HECTD4: variants seen among roughly 807,000 people sequenced by gnomAD.
HECTD4 encodes HECT domain E3 ubiquitin protein ligase 4.
A neutral mutation model predicts 471.5 loss-of-function variants in HECTD4; 114 were observed. The observed-to-expected ratio is 0.24, with a 90% CI of 0.21 to 0.28. The LOEUF (loss-of-function observed/expected upper bound fraction) is 0.28, where lower values mean the gene tolerates loss of function less well. HECTD4 is among the 10% of genes least tolerant of loss of function. The probability of loss-of-function intolerance (pLI) is 1.00; values close to 1 mark genes in which losing one functional copy is unlikely to be tolerated. For synonymous variants in HECTD4, 2,012 were observed against 2,256.0 expected (o/e 0.89, Z 3.07); for missense variants, 3,866 against 5,651.5 (o/e 0.68, Z 10.13).
chr12:112,351,461 C>T (rs2036247360), intron 1 of HECTD4, among the ~76,000 whole-genome samples: 1 of 152,098 alleles, frequency 6.6e-6, no homozygotes. Flanking sequence ...CTCTAGGTAA[C>T]CAATTTAAAT....
At chr12:112,356,421 T>C (rs970491101) in intron 1 of HECTD4, among the ~76,000 whole-genome samples, 1 of 150,274 alleles carries the variant, frequency 6.7e-6, no homozygotes, top group African/African-American at 2.5e-5. Flanking sequence ...CTGGTGTGTG[T>C]TTTTTGTTTG....
intron 1 of HECTD4, among the ~76,000 whole-genome samples, chr12:112,340,316 C>T (rs1312994124): frequency 6.6e-6 from 1 of 152,102 alleles, no homozygotes; most frequent in Non-Finnish European, 1.5e-5. Flanking sequence ...TGTGATGAGC[C>T]CAAGTGCTTC....
intron 54 of HECTD4, among the ~76,000 whole-genome samples, chr12:112,202,337 C>G (rs1312488714): frequency 3.9e-5 from 6 of 151,978 alleles, no homozygotes; most frequent in Non-Finnish European, 8.8e-5. Flanking sequence ...TCCCAAGTAG[C>G]TAGGACTACA....
At chr12:112,168,502 G>A (rs2137002975) in intron 70 of HECTD4, among the ~76,000 whole-genome samples, 1 of 152,362 alleles carries the variant, frequency 6.6e-6, no homozygotes, top group Non-Finnish European at 1.5e-5. Flanking sequence ...GGCCTTCCCT[G>A]TGTTCCCTAT....
chr12:112,273,804 A>G lies in HECTD4; in HGVS notation c.1802-9T>C, dbSNP rs1370446035. On this transcript the variant is annotated splice_polypyrimidine_tract_variant and intron_variant, in intron 10 of 75. Transcript: ENST00000682272. ...TGTGTCATAACACGCTCCTGCAAAA[A>G]GAGCATACTGTATTCAGTCACCATG... 3 of 1,613,456 alleles carry G rather than the reference A, an allele frequency of 1.9e-6. No individual in the cohort carries two copies. The highest frequency in any genetic ancestry group is 2.5e-6 in the Non-Finnish European group (3 of 1,179,784).
intron 1 of HECTD4, among the ~76,000 whole-genome samples, chr12:112,349,388 C>CAAAAAAAAAAAAA (rs60480485): frequency 3.7e-5 from 2 of 54,712 alleles, no homozygotes; most frequent in African/African-American, 6.6e-5. Context: ...ACTCTTGCTC[C>CAAAAAAAAAAAAA]AAAAAAAAAA....
intron 9 of HECTD4, among the ~76,000 whole-genome samples, chr12:112,275,286 G>A (rs963608602): frequency 6.6e-6 from 1 of 152,176 alleles, no homozygotes; most frequent in South Asian, 2.1e-4. Flanking sequence ...ATCACAAGAT[G>A]CAAATGTTTA....
intron 1 of HECTD4, among the ~76,000 whole-genome samples, chr12:112,339,305 G>C (rs1402984177): frequency 8.6e-6 from 1 of 116,758 alleles, no homozygotes; most frequent in South Asian, 2.6e-4. Context: ...AACACATGCA[G>C]GGTCCAAGAA....
rs1447556767 is a variant in HECTD4 at position 112,268,906 on chromosome 12, GCT to G, written c.2321+796_2321+797del. On this transcript the variant is annotated intron_variant, in intron 13 of 75. Coordinates refer to ENST00000682272, the MANE Select transcript of HECTD4 (RefSeq NM_001388303.1). ...TTTTTTTTTTTTGAGGCGGAGTTTC[GCT>G]CTGTCGCCCAGGCTGGAGTGCAGTG... Among the ~76,000 whole-genome samples, 219 of 99,932 alleles carry G rather than the reference GCT, an allele frequency of 2.2e-3. 1 individual carries two copies. The highest frequency in any genetic ancestry group is 3.1e-3 in the Non-Finnish European group (173 of 55,992). 65.6% of individuals were successfully genotyped at this position (99,932 alleles called of 152,430 possible). A position where few individuals can be genotyped will look rare whatever the true frequency, so the allele number is the denominator to read the frequency against.
In HECTD4 at chr12:112,319,491, C is replaced by T. The variant is rs979513289; in HGVS notation, c.429G>A (p.Ser143=). The T allele has an allele frequency of 2.7e-5, 41 of 1,504,900 alleles. No individual in the cohort carries two copies. Among genetic ancestry groups the T allele is most frequent in the Middle Eastern group, 3.6e-4 (2 of 5,494 alleles). 93.2% of individuals were successfully genotyped at this position (1,504,900 alleles called of 1,614,324 possible). ...LQQPEQAPFT[S]RMGLLLVFPL... ...GGAAGACCAGCAGGAGCCCCATCCTCGATGTGAAGGGCGCTTGCTCAGGTT... is the reference window on the plus strand; with the variant it reads ...GGAAGACCAGCAGGAGCCCCATCCTTGATGTGAAGGGCGCTTGCTCAGGTT... Residue 143 remains serine (S), a synonymous_variant, in exon 2 of 76, where the codon TCG becomes TCA. Transcript: ENST00000682272. This position sits in a 1 kb window ranked among gnomAD's most constrained non-coding sequence, Gnocchi z 5.3.
intron 34 of HECTD4, among the ~76,000 whole-genome samples, chr12:112,238,824 T>C (rs182778737): frequency 1.3e-5 from 2 of 152,320 alleles, no homozygotes; most frequent in Admixed American, 1.3e-4. Context: ...CTGGGATTAC[T>C]GTACTCCTTC....
chr12:112,278,181 T>C (rs1254153287), intron 9 of HECTD4, among the ~76,000 whole-genome samples: 1 of 151,968 alleles, frequency 6.6e-6, no homozygotes, highest in South Asian at 2.1e-4. Context: ...AGAAAGTAGA[T>C]TGGTAGATGC....
intron 11 of HECTD4, 84 bp from the exon 12 acceptor site, chr12:112,270,543 G>A: frequency 9.2e-7 from 1 of 1,082,514 alleles, no homozygotes; most frequent in Non-Finnish European, 1.4e-6. Flanking sequence ...TACAAAAGGT[G>A]TGTGCGCACT....
chr12:112,269,263 A>G (rs547936731), intron 13 of HECTD4, among the ~76,000 whole-genome samples: 4 of 152,314 alleles, frequency 2.6e-5, no homozygotes, highest in East Asian at 1.9e-4. Context: ...TCACAAACCC[A>G]TAAAACAGGT....
Position 112,308,805 on chromosome 12 carries a change from A to G in HECTD4, c.1112T>C (p.Phe371Ser). The G allele has an allele frequency of 6.5e-7, 1 of 1,536,074 alleles. No individual in the cohort carries two copies. Among genetic ancestry groups the G allele is most frequent in the East Asian group, 2.4e-5 (1 of 40,916 alleles). The change falls in exon 6 of 76, where the codon TTC (phenylalanine) becomes TCC (serine). Residue 371 changes from phenylalanine to serine, a missense_variant. By Grantham distance (155) the Phe-to-Ser change is radical. Coordinates refer to ENST00000682272, the MANE Select transcript of HECTD4 (RefSeq NM_001388303.1). ...GAAAAGGGAGTGAGGTTTATTATCG[A>G]AAGAGACAGGCCGGTGGAGAAGACT... ...SGSLLHRPVSFDNKPHSLFQV... is the reference protein window; with the variant it reads ...SGSLLHRPVSSDNKPHSLFQV...
rs1261666523 is a variant in HECTD4 at position 112,269,796 on chromosome 12, AATG to A, written c.2226_2228del (p.Ile743del). On this transcript the variant is annotated inframe_deletion, in exon 13 of 76. Transcript: ENST00000682272. ...GCCAAAGAAGCAATCCCGACCGTCG[AATG>A]ATGTCTCGATTCCTTTCAGTTTGTG... 1.9e-6 allele frequency: 3 copies of A among 1,613,998 alleles called. No homozygotes were observed. The highest frequency in any genetic ancestry group is 2.5e-6 in the Non-Finnish European group (3 of 1,179,858).
Position 112,162,671 on chromosome 12 carries a change from G to A in HECTD4, c.13121-148C>T, listed in dbSNP as rs2030735304. On this transcript the variant is annotated intron_variant, in intron 75 of 75. Coordinates refer to ENST00000682272, the MANE Select transcript of HECTD4 (RefSeq NM_001388303.1). The surrounding 1 kb of genome is among the most constrained non-coding windows in gnomAD (Gnocchi z 5.2). ...CAGCAGGAGGGGGATGAGGGCCTGG[G>A]AACCTGCGAGATGTTCTTGGAGGGA... 16 of 859,358 alleles carry A rather than the reference G, an allele frequency of 1.9e-5. 1 individual carries two copies. The highest frequency in any genetic ancestry group is 2.7e-5 in the Non-Finnish European group (15 of 557,254). 53.2% of individuals were successfully genotyped at this position (859,358 alleles called of 1,614,324 possible).
chr12:112,255,525 G>A (rs2033988803), intron 21 of HECTD4, among the ~76,000 whole-genome samples: 1 of 152,108 alleles, frequency 6.6e-6, no homozygotes, highest in South Asian at 2.1e-4. Context: ...AACCTCCCCG[G>A]ATAGAATTTT....
chr12:112,351,791 C>T (rs1282388845), intron 1 of HECTD4, among the ~76,000 whole-genome samples: 1 of 152,202 alleles, frequency 6.6e-6, no homozygotes, highest in Non-Finnish European at 1.5e-5. Context: ...TAAGTACCTA[C>T]GTAGTAACAT....
Sources: allele counts gnomAD v4.1 joint callset (sites outside exome capture counted in the v4.1 genomes callset), GRCh38; gene constraint gnomAD v4.1.1; non-coding constraint Gnocchi (gnomAD v3.1); transcripts MANE v1.5; gene names NCBI Gene and HGNC (gene_info 2026-07-23, HGNC 2026-07-21).